PXT1: variants seen among roughly 807,000 people sequenced by gnomAD.
PXT1 encodes peroxisomal testis enriched protein 1, also known as peroxisomal testis-specific protein 1.
In PXT1, 11 loss-of-function variants were observed where a neutral mutation model predicts 11.0. That is an observed-to-expected ratio of 1.00 (90% CI 0.63 to 1.66). PXT1 has a LOEUF of 1.66. Among genes scored for constraint, PXT1 ranks in the 40% most tolerant of loss-of-function variants. PXT1 has a pLI of 0.00. For missense variants in PXT1, 141 were observed against 155.5 expected (o/e 0.91, Z 0.49); for synonymous variants, 43 against 51.4 (o/e 0.84, Z 0.70).
chr6:36,418,158 T>C (rs9462182), intron 3 of PXT1, among the ~76,000 whole-genome samples: 70,933 of 151,478 alleles, frequency 0.47, 17,084 homozygotes, highest in Middle Eastern at 0.58. Context: ...ATCGCACCTC[T>C]GCACTCCAGC....
At chr6:36,406,637 C>A (rs188783054) in intron 3 of PXT1, among the ~76,000 whole-genome samples, 457 of 152,014 alleles carry the variant, frequency 3.0e-3, no homozygotes, top group African/African-American at 6.4e-3. Context: ...ATGGTGAAAC[C>A]CCGTCTCTAC....
At chr6:36,391,982 A>G (rs948914142) in intron 4 of PXT1, 108 bp from the exon 5 acceptor site, 8 of 734,142 alleles carry the variant, frequency 1.1e-5, no homozygotes, top group Non-Finnish European at 1.4e-5. Flanking sequence ...AATTCAATCC[A>G]TGCTGCAAAC....
At chr6:36,435,341 T>C (rs1230384163) in intron 2 of PXT1, among the ~76,000 whole-genome samples, 1 of 152,114 alleles carries the variant, frequency 6.6e-6, no homozygotes, top group Non-Finnish European at 1.5e-5. Context: ...GAGGATCGCT[T>C]GAGCCCAGAA....
chr6:36,440,136 A>AC (rs35451629), intron 1 of PXT1, among the ~76,000 whole-genome samples: 40,931 of 152,088 alleles, frequency 0.27, 6,051 homozygotes, highest in African/African-American at 0.39. Context: ...AAATTTAATT[A>AC]TTCGAGAGAG....
intron 3 of PXT1, among the ~76,000 whole-genome samples, chr6:36,417,591 C>A (rs1181018936): frequency 4.5e-3 from 449 of 99,428 alleles, no homozygotes; most frequent in Middle Eastern, 0.014. Flanking sequence ...TTCGTCTCTA[C>A]AAAAAAAAAA....
intron 4 of PXT1, among the ~76,000 whole-genome samples, chr6:36,395,034 G>T (rs529406593): frequency 3.3e-5 from 5 of 152,138 alleles, no homozygotes; most frequent in Admixed American, 6.5e-5. Context: ...GAGAGACAGG[G>T]GTCTCACTAT....
intron 3 of PXT1, among the ~76,000 whole-genome samples, chr6:36,405,910 T>C (rs1774282532): frequency 6.6e-6 from 1 of 152,240 alleles, no homozygotes; most frequent in African/African-American, 2.4e-5. Context: ...GGCTATACCG[T>C]CTAGCCTAGG....
In PXT1 at chr6:36,424,876, T is replaced by A. The variant is rs960175244; in HGVS notation, c.169+1038A>T. 3.3e-5 allele frequency among the ~76,000 whole-genome samples: 5 copies of A among 151,472 alleles called. No homozygotes were observed. The East Asian group carries it at 9.7e-4, about 29-fold the overall frequency. On this transcript the variant is annotated intron_variant, in intron 3 of 4. Coordinates refer to ENST00000454782, the MANE Select transcript of PXT1 (RefSeq NM_152990.4). Reference sequence around the variant, plus strand: ...CCGGGCATGCAGTGAACCGAGACTGTACCACTGCACTCCAACCTGGGCGAC... The same window carrying A: ...CCGGGCATGCAGTGAACCGAGACTGAACCACTGCACTCCAACCTGGGCGAC...
chr6:36,439,232 A>G (rs1408162714), intron 1 of PXT1, among the ~76,000 whole-genome samples: 3 of 151,358 alleles, frequency 2.0e-5, no homozygotes, highest in Non-Finnish European at 4.4e-5. Context: ...TCCCGACCTC[A>G]GGTGATCCAC....
At chr6:36,411,234 G>A (rs1216339515) in intron 3 of PXT1, among the ~76,000 whole-genome samples, 2 of 152,158 alleles carry the variant, frequency 1.3e-5, no homozygotes, top group Admixed American at 1.3e-4. Context: ...TGGATCACCT[G>A]AGGTCAGGAG....
intron 3 of PXT1, among the ~76,000 whole-genome samples, chr6:36,410,233 C>T (rs1755921742): frequency 6.6e-6 from 1 of 151,684 alleles, no homozygotes. Flanking sequence ...GGTGGATCAC[C>T]TGACATTGGG....
Position 36,391,659 on chromosome 6 carries a change from CAA to C in PXT1, c.*109_*110del. The stretch of plus-strand genomic sequence containing the variant: ...GGGTGTAGACCAACAGTGATGGGTA[CAA>C]AAAGAGGGAGACGGAGAAGGGTGTT... On this transcript the variant is annotated 3_prime_UTR_variant, in exon 5 of 5. Coordinates refer to ENST00000454782, the MANE Select transcript of PXT1 (RefSeq NM_152990.4). 1 of 795,772 alleles carries C rather than the reference CAA, an allele frequency of 1.3e-6. No homozygotes were observed. Among genetic ancestry groups the C allele is most frequent in the African/African-American group, 1.7e-5 (1 of 57,856 alleles). The allele number at this position is 795,772 out of a possible 1,614,324, so 49.3% of individuals were successfully genotyped here.
intron 4 of PXT1, among the ~76,000 whole-genome samples, chr6:36,394,945 C>A (rs1774122266): frequency 6.6e-6 from 1 of 151,956 alleles, no homozygotes; most frequent in Non-Finnish European, 1.5e-5. Flanking sequence ...GGACTACAGG[C>A]ACACACCACC....
rs1334018338 is a variant in PXT1, at chr6:36,416,175, A to AAAAAG, written c.169+9734_169+9738dup. 8.3e-5 allele frequency among the ~76,000 whole-genome samples: 12 copies of AAAAAG among 145,312 alleles called. No individual in the cohort carries two copies. The East Asian group carries it at 2.4e-3, about 29-fold the overall frequency. ...TATAGACCAAGACCCTGTCTCTACC[A>AAAAAG]AAAAGAAAAGAAAAGAAAAGAAAAA... On this transcript the variant is annotated intron_variant, in intron 3 of 4. Transcript: ENST00000454782.
At chr6:36,395,088 G>A (rs532898820) in intron 4 of PXT1, among the ~76,000 whole-genome samples, 11 of 152,044 alleles carry the variant, frequency 7.2e-5, no homozygotes, top group Admixed American at 2.6e-4. Flanking sequence ...GCCTCCCAAC[G>A]TGCTGGGATT....
intron 2 of PXT1, among the ~76,000 whole-genome samples, chr6:36,431,343 T>C (rs7741260): frequency 0.83 from 125,625 of 152,182 alleles, 52,264 homozygotes; most frequent in Middle Eastern, 0.92. Flanking sequence ...ATATTGATCT[T>C]TTACTGAATG....
chr6:36,406,282 C>T (rs1444605015), intron 3 of PXT1, among the ~76,000 whole-genome samples: 6 of 152,076 alleles, frequency 3.9e-5, no homozygotes, highest in Non-Finnish European at 5.9e-5. Context: ...ATTGCCTGGC[C>T]AAGTACTCAG....
At chr6:36,433,709 C>T (rs1384096330) in intron 2 of PXT1, among the ~76,000 whole-genome samples, 1 of 151,322 alleles carries the variant, frequency 6.6e-6, no homozygotes, top group Admixed American at 6.6e-5. Context: ...CCTGTAGTCT[C>T]AGCTTCTCGG....
chr6:36,409,602 G>A (rs1027669501), intron 3 of PXT1, among the ~76,000 whole-genome samples: 1 of 152,136 alleles, frequency 6.6e-6, no homozygotes, highest in African/African-American at 2.4e-5. Context: ...GAGGTGGGAG[G>A]ATCACTTGAG....
Sources: allele counts gnomAD v4.1 joint callset (sites outside exome capture counted in the v4.1 genomes callset), GRCh38; gene constraint gnomAD v4.1.1; transcripts MANE v1.5; gene names NCBI Gene and HGNC (gene_info 2026-07-23, HGNC 2026-07-21).